The following CIAPIN1 variants were observed in gnomAD, a reference collection of about 807,000 sequenced individuals.
The protein encoded by CIAPIN1 is cytokine induced apoptosis inhibitor 1.
A neutral mutation model predicts 34.3 loss-of-function variants in CIAPIN1; 18 were observed. The ratio of observed to expected loss-of-function variants is 0.52; its 90% CI spans 0.36 to 0.78. CIAPIN1 has a LOEUF of 0.78. Among genes scored for constraint, CIAPIN1 ranks in the 30% least tolerant of loss-of-function variants. The pLI, the probability that CIAPIN1 is intolerant of heterozygous loss-of-function variation, is 0.00. For missense variants in CIAPIN1, 310 were observed against 372.5 expected (o/e 0.83, Z 1.38); for synonymous variants, 131 against 140.4 (o/e 0.93, Z 0.47).
intron 8 of CIAPIN1, 96 bp from the exon 9 acceptor site, chr16:57,429,376 C>T: frequency 1.3e-6 from 1 of 792,308 alleles, no homozygotes; most frequent in South Asian, 1.5e-5. Flanking sequence ...GCCACAGTGG[C>T]CTGAAGGAAA....
rs1356951012 is a variant in CIAPIN1 at position 57,440,870 on chromosome 16, G to T, written c.59C>A (p.Ser20Tyr). The T allele has an allele frequency of 6.2e-7, 1 of 1,614,056 alleles. No homozygotes were observed. Among genetic ancestry groups the T allele is most frequent in the East Asian group, 2.2e-5 (1 of 44,880 alleles). Residue 20 changes from serine (S) to tyrosine (Y), a missense_variant, in exon 2 of 9, where the codon TCC becomes TAC. Physicochemically the swap from Ser to Tyr is moderately radical, Grantham distance 144. Coordinates refer to ENST00000394391, the MANE Select transcript of CIAPIN1 (RefSeq NM_020313.4). ...QFVAVVWDKS[S>Y]PVEALKGLVD... ...CAGACCTTTCAGAGCCTCCACTGGGGATGACTTATCCCAGACCACTGCCAC... is the reference window on the plus strand; with the variant it reads ...CAGACCTTTCAGAGCCTCCACTGGGTATGACTTATCCCAGACCACTGCCAC...
chr16:57,439,452 T>C (rs1903278214), intron 2 of CIAPIN1, 118 bp from the exon 3 acceptor site: 3 of 978,440 alleles, frequency 3.1e-6, no homozygotes, highest in Middle Eastern at 4.4e-4. Context: ...CCACTCGATA[T>C]CCATCCAAGA....
rs767592004 is a variant in CIAPIN1, at chr16:57,440,818, G to T, written c.111C>A (p.Gly37=). 5 of 1,613,716 alleles carry T rather than the reference G, an allele frequency of 3.1e-6. No homozygotes were observed. In the African/African-American group the frequency reaches 5.3e-5, roughly 17 times the overall value. The stretch of plus-strand genomic sequence containing the variant: ...TTTCCACAGACACGCGGCCCTCATT[G>T]CCGGTTAACGCTTGAAGCTTATCCA... ...GLVDKLQALT[G]NEGRVSVENI... The change falls in exon 2 of 9, where the codon GGC becomes GGA. Residue 37 remains glycine, a synonymous_variant. Coordinates refer to ENST00000394391, the MANE Select transcript of CIAPIN1 (RefSeq NM_020313.4).
intron 1 of CIAPIN1, among the ~76,000 whole-genome samples, chr16:57,446,917 T>C (rs2030100670): frequency 6.6e-6 from 1 of 152,204 alleles, no homozygotes; most frequent in African/African-American, 2.4e-5. Flanking sequence ...AAGGCTTTCG[T>C]GCTTTGCTGC....
At chr16:57,438,961 G>C (rs1903264827) in intron 3 of CIAPIN1, among the ~76,000 whole-genome samples, 1 of 152,148 alleles carries the variant, frequency 6.6e-6, no homozygotes, top group South Asian at 2.1e-4. Context: ...CCCATTTTTA[G>C]ATGGCAGTTT....
chr16:57,438,881 T>C (rs1555513335), intron 3 of CIAPIN1, among the ~76,000 whole-genome samples: 1 of 152,256 alleles, frequency 6.6e-6, no homozygotes, highest in Non-Finnish European at 1.5e-5. Flanking sequence ...TATAGTTAGC[T>C]AGTTCATTTT....
rs1483973874 is a variant in CIAPIN1, at chr16:57,436,258, C to T, written c.387+398G>A. Among the ~76,000 whole-genome samples, 5 of 152,256 alleles carry T rather than the reference C, an allele frequency of 3.3e-5. No individual in the cohort carries two copies. The South Asian group carries it at 6.2e-4, about 19-fold the overall frequency. On this transcript the variant is annotated intron_variant, in intron 4 of 8. Transcript: ENST00000394391. ...TTTTGTTTTTTTTGAGACAGAGTCT[C>T]GCTCTGTCGCCCAGGCTGGAGGGCA...
chr16:57,436,912 A>G (rs1903213844), intron 3 of CIAPIN1, among the ~76,000 whole-genome samples, 180 bp from the exon 4 acceptor site: 1 of 152,110 alleles, frequency 6.6e-6, no homozygotes, highest in African/African-American at 2.4e-5. Flanking sequence ...TGGGGCCAGG[A>G]GTTCAAGACC....
intron 4 of CIAPIN1, 106 bp downstream of exon 4, chr16:57,436,550 T>A: frequency 1.2e-6 from 1 of 813,564 alleles, no homozygotes; most frequent in East Asian, 3.0e-5. Flanking sequence ...TTTTGTCCTT[T>A]GAAGCATCAT....
chr16:57,445,755 C>T lies in CIAPIN1; in HGVS notation c.-56+1587G>A, dbSNP rs117983401. ...AACCTACTATGTGCCTGTCCCTACA[C>T]GGGAGACAGACAAGAAGACACTTGT... On this transcript the variant is annotated intron_variant, in intron 1 of 8. Transcript: ENST00000394391. Among the ~76,000 whole-genome samples the T allele has an allele frequency of 4.2e-3, 625 of 149,340 alleles. 20 individuals carry two copies. The East Asian group carries it at 0.06, about 14-fold the overall frequency.
At chr16:57,447,316 G>A in intron 1 of CIAPIN1, 26 bp downstream of exon 1, 1 of 425,258 alleles carries the variant, frequency 2.4e-6, no homozygotes, top group Non-Finnish European at 4.0e-6. Context: ...GAGCTCTGGC[G>A]CTCAGCTGGC....
At chr16:57,434,293 G>T (rs1018611652) in intron 4 of CIAPIN1, 81 bp from the exon 5 acceptor site, 2 of 1,352,170 alleles carry the variant, frequency 1.5e-6, no homozygotes, top group Non-Finnish European at 2.1e-6. Flanking sequence ...AGGAGTCAAA[G>T]ACTCATTTCT....
At chr16:57,431,305 T>C in intron 6 of CIAPIN1, 39 bp from the exon 7 acceptor site, 1 of 1,402,682 alleles carries the variant, frequency 7.1e-7, no homozygotes, top group Non-Finnish European at 1.0e-6. Flanking sequence ...ACAGTCGTGG[T>C]CTCTGCTAAT....
In CIAPIN1 at chr16:57,440,867, G is replaced by A. The variant is rs1289290354; in HGVS notation, c.62C>T (p.Pro21Leu). Residue 21 changes from proline (P) to leucine (L), a missense_variant, in exon 2 of 9, where the codon CCA becomes CTA. Transcript: ENST00000394391. The stretch of plus-strand genomic sequence containing the variant: ...CACCAGACCTTTCAGAGCCTCCACT[G>A]GGGATGACTTATCCCAGACCACTGC... ...FVAVVWDKSSPVEALKGLVDK... is the reference protein window; with the variant it reads ...FVAVVWDKSSLVEALKGLVDK... 6.2e-7 allele frequency: 1 copy of A among 1,613,910 alleles called. No homozygotes were observed.
chr16:57,446,741 C>G (rs2030088620), intron 1 of CIAPIN1, among the ~76,000 whole-genome samples: 1 of 152,276 alleles, frequency 6.6e-6, no homozygotes, highest in East Asian at 1.9e-4. Flanking sequence ...CTGGACCACA[C>G]CCAGACCCAC....
At chr16:57,436,937 A>G (rs370712768) in intron 3 of CIAPIN1, among the ~76,000 whole-genome samples, 39 of 152,140 alleles carry the variant, frequency 2.6e-4, no homozygotes, top group African/African-American at 9.2e-4. Flanking sequence ...TGGGGCCAAC[A>G]TAGCAAAATC....
intron 2 of CIAPIN1, 133 bp from the exon 3 acceptor site, chr16:57,439,467 G>T: frequency 1.2e-6 from 1 of 825,986 alleles, no homozygotes. Context: ...CCAAGAAGCT[G>T]GATGAATAGT....
At position 57,428,989 on chromosome 16, in the gene CIAPIN1, T is replaced by C. The variant is rs767691099; in HGVS notation, c.*181A>G. On this transcript the variant is annotated 3_prime_UTR_variant, in exon 9 of 9. Transcript: ENST00000394391. ...GTCCCATAATACCTTGGTCTTTTGA[T>C]ACACAGCAGCACTACACACCACTGT... The C allele has an allele frequency of 2.5e-5, 14 of 554,648 alleles. No homozygotes were observed. The highest frequency in any genetic ancestry group is 4.5e-5 in the Non-Finnish European group (14 of 309,880). The allele number at this position is 554,648 out of a possible 1,614,324, so 34.4% of individuals were successfully genotyped here.
chr16:57,447,261 G>A (rs2030121157), intron 1 of CIAPIN1, 81 bp downstream of exon 1: 4 of 388,362 alleles, frequency 1.0e-5, no homozygotes. Flanking sequence ...AAGAGAAAAT[G>A]AGAGGATGTG....
Sources: allele counts gnomAD v4.1 joint callset (sites outside exome capture counted in the v4.1 genomes callset), GRCh38; gene constraint gnomAD v4.1.1; transcripts MANE v1.5; gene names NCBI Gene and HGNC (gene_info 2026-07-23, HGNC 2026-07-21).